The following DYM variants were observed in gnomAD, a reference collection of about 807,000 sequenced individuals.
DYM encodes the protein dymeclin, also known as dyggve-Melchior-Clausen syndrome protein.
Under a neutral mutation model 93.1 loss-of-function variants are expected in DYM, and 78 were observed. That is an observed-to-expected ratio of 0.84 (90% CI 0.70 to 1.01). The LOEUF is 1.01. Among genes scored for constraint, DYM ranks in the 50% least tolerant of loss-of-function variants. The pLI, the probability that DYM is intolerant of heterozygous loss-of-function variation, is 0.00. For missense variants in DYM, 789 were observed against 845.0 expected (o/e 0.93, Z 0.82); for synonymous variants, 321 against 319.7 (o/e 1.00, Z -0.04).
chr18:49,186,826 C>T (rs1195475822), intron 14 of DYM, among the ~76,000 whole-genome samples: 1 of 151,970 alleles, frequency 6.6e-6, no homozygotes, highest in African/African-American at 2.4e-5. Flanking sequence ...ATAAATCCAA[C>T]CATCACTTTC....
chr18:49,245,153 C>G (rs2094134652), intron 13 of DYM, among the ~76,000 whole-genome samples: 1 of 152,204 alleles, frequency 6.6e-6, no homozygotes, highest in Non-Finnish European at 1.5e-5. Context: ...TTACTTTAAT[C>G]TCTTAATCCT....
At chr18:49,420,553 C>G (rs2073552014) in intron 2 of DYM, among the ~76,000 whole-genome samples, 1 of 152,068 alleles carries the variant, frequency 6.6e-6, no homozygotes, top group South Asian at 2.1e-4. Context: ...TCCAAGATGG[C>G]TGAATAGAAA....
At chr18:49,439,528 T>TCCCTA (rs1181775831) in intron 1 of DYM, among the ~76,000 whole-genome samples, 1 of 152,146 alleles carries the variant, frequency 6.6e-6, no homozygotes, top group Non-Finnish European at 1.5e-5. Flanking sequence ...TTCTTCCTTA[T>TCCCTA]CCCTAATCAA....
intron 17 of DYM, among the ~76,000 whole-genome samples, chr18:49,096,313 T>C (rs2079541490): frequency 6.6e-6 from 1 of 152,342 alleles, no homozygotes; most frequent in East Asian, 1.9e-4. Context: ...TAAATGATTA[T>C]GATGACTAAT....
intron 8 of DYM, among the ~76,000 whole-genome samples, chr18:49,303,212 A>G (rs1443892630): frequency 6.6e-6 from 1 of 152,160 alleles, no homozygotes; most frequent in African/African-American, 2.4e-5. Context: ...CTCCTGAGGG[A>G]CAATCTCTCT....
At chr18:49,348,257 A>G (rs2064777765) in intron 6 of DYM, among the ~76,000 whole-genome samples, 1 of 152,244 alleles carries the variant, frequency 6.6e-6, no homozygotes, top group Non-Finnish European at 1.5e-5. Context: ...CAAAGGATTG[A>G]GACCAAAATT....
At chr18:49,118,160 C>A (rs2082078175) in intron 16 of DYM, among the ~76,000 whole-genome samples, 2 of 151,968 alleles carry the variant, frequency 1.3e-5, no homozygotes, top group South Asian at 2.1e-4. Flanking sequence ...TAGGCATCAG[C>A]CACCACACCC....
rs542092005 is a variant in DYM at position 49,037,903 on chromosome 18, C to T, written c.*6152G>A. Among the ~76,000 whole-genome samples the T allele has an allele frequency of 7.2e-5, 11 of 152,328 alleles. No homozygotes were observed. In the South Asian group the frequency reaches 2.1e-3, roughly 29 times the overall value. ...GCAGTAGTGCAATTATAGCTCACTG[C>T]AGCCTCGACCTCCTGGGCACAAGTG... On this transcript the variant is annotated 3_prime_UTR_variant, in exon 18 of 18. Transcript: ENST00000675505.
intron 15 of DYM, among the ~76,000 whole-genome samples, chr18:49,145,967 T>C (rs1171774904): frequency 1.3e-5 from 2 of 152,172 alleles, no homozygotes; most frequent in Non-Finnish European, 2.9e-5. Context: ...AATAACTTTA[T>C]ATAACTCCCT....
chr18:49,292,621 A>AC (rs2060231966), intron 8 of DYM, among the ~76,000 whole-genome samples: 3 of 114,524 alleles, frequency 2.6e-5, no homozygotes, highest in East Asian at 2.3e-4. Context: ...AAAAAAAAAA[A>AC]AAAACCCCCA....
chr18:49,338,184 G>A (rs1041483802), intron 6 of DYM, among the ~76,000 whole-genome samples: 1 of 152,092 alleles, frequency 6.6e-6, no homozygotes, highest in African/African-American at 2.4e-5. Flanking sequence ...ACAATAGTAG[G>A]TTATCAAAAA....
At chr18:49,179,863 C>A (rs980739772) in intron 14 of DYM, among the ~76,000 whole-genome samples, 14 of 151,672 alleles carry the variant, frequency 9.2e-5, no homozygotes, top group African/African-American at 3.1e-4. Context: ...CCACTTAAGG[C>A]AAAAAAAGAA....
intron 11 of DYM, among the ~76,000 whole-genome samples, chr18:49,265,889 T>G (rs1306328159): frequency 6.6e-6 from 1 of 151,696 alleles, no homozygotes; most frequent in African/African-American, 2.4e-5. Flanking sequence ...GAAACTAAAC[T>G]ATGGTAAAAG....
chr18:49,194,881 G>A (rs1600519492), intron 14 of DYM, among the ~76,000 whole-genome samples: 1 of 152,054 alleles, frequency 6.6e-6, no homozygotes, highest in East Asian at 1.9e-4. Flanking sequence ...CTATATTCCT[G>A]AAACTTCACT....
rs115622577 is a variant in DYM at position 49,227,960 on chromosome 18, C to G, written c.1461-18245G>C. 3.6e-3 allele frequency among the ~76,000 whole-genome samples: 555 copies of G among 152,242 alleles called. 3 individuals carry two copies. Among genetic ancestry groups the G allele is most frequent in the African/African-American group, 0.013 (532 of 41,540 alleles). On this transcript the variant is annotated intron_variant, in intron 13 of 17. Transcript: ENST00000675505. ...TCTTCTATGAGGCCCTCCCCGATTG[C>G]TACATGCACATTTTGGTGCTCTCCC...
chr18:49,425,816 C>G (rs1217779224), intron 2 of DYM, among the ~76,000 whole-genome samples: 1 of 152,160 alleles, frequency 6.6e-6, no homozygotes, highest in Non-Finnish European at 1.5e-5. Flanking sequence ...CACTGGCCAT[C>G]AGAGAAATGC....
intron 13 of DYM, among the ~76,000 whole-genome samples, chr18:49,216,191 G>A (rs2093033741): frequency 6.6e-6 from 1 of 152,234 alleles, no homozygotes; most frequent in African/African-American, 2.4e-5. Flanking sequence ...TGGCAGCGAG[G>A]CTGGGGGAGG....
At chr18:49,339,948 T>C (rs2063975509) in intron 6 of DYM, among the ~76,000 whole-genome samples, 1 of 151,816 alleles carries the variant, frequency 6.6e-6, no homozygotes, top group East Asian at 1.9e-4. Flanking sequence ...TTTTTGTTTG[T>C]TTGTTTGTTT....
intron 15 of DYM, among the ~76,000 whole-genome samples, chr18:49,133,695 T>C (rs894413820): frequency 6.6e-6 from 1 of 152,238 alleles, no homozygotes; most frequent in African/African-American, 2.4e-5. Flanking sequence ...TTTGAAGCTC[T>C]CTGAGATCTC....
Sources: allele counts gnomAD v4.1 joint callset (sites outside exome capture counted in the v4.1 genomes callset), GRCh38; gene constraint gnomAD v4.1.1; transcripts MANE v1.5; gene names NCBI Gene and HGNC (gene_info 2026-07-23, HGNC 2026-07-21).